RBFOX1: variants seen among roughly 807,000 people sequenced by gnomAD.
The protein encoded by RBFOX1 is RNA binding fox-1 homolog 1.
RBFOX1 carries 8 observed loss-of-function variants against 57.7 expected under a neutral mutation model. The ratio of observed to expected loss-of-function variants is 0.14; its 90% CI spans 0.08 to 0.25. RBFOX1 has a LOEUF of 0.25. RBFOX1 is among the 10% of genes least tolerant of loss of function. The probability of loss-of-function intolerance (pLI) is 1.00; values close to 1 mark genes in which losing one functional copy is unlikely to be tolerated. For synonymous variants in RBFOX1, 326 were observed against 222.4 expected (o/e 1.47, Z -4.15); for missense variants, 611 against 548.5 (o/e 1.11, Z -1.14).
chr16:5,562,478 T>C (rs1482659053), intron 2 of RBFOX1, among the ~76,000 whole-genome samples: 1 of 150,534 alleles, frequency 6.6e-6, no homozygotes, highest in East Asian at 2.0e-4. Flanking sequence ...TATAGAGCAA[T>C]TCTCCAGGGC....
chr16:7,315,907 T>G (rs1189152655), intron 4 of RBFOX1, among the ~76,000 whole-genome samples: 1 of 152,172 alleles, frequency 6.6e-6, no homozygotes, highest in Non-Finnish European at 1.5e-5. Flanking sequence ...GATGGGTTAC[T>G]AAACAATCTA....
rs528524846 is a variant in RBFOX1 at position 6,818,531 on chromosome 16, C to G, written c.-16+163881C>G. 3.3e-5 allele frequency among the ~76,000 whole-genome samples: 5 copies of G among 152,272 alleles called. No homozygotes were observed. The South Asian group carries it at 1.0e-3, about 32-fold the overall frequency. ...GTTACTAAAGTGGCAATAATACAAG[C>G]TGTTGTAAGATTTAAACTCTAGTTC... On this transcript the variant is annotated intron_variant, in intron 3 of 15. Coordinates refer to ENST00000550418, the MANE Select transcript of RBFOX1 (RefSeq NM_018723.4).
chr16:7,640,132 T>C (rs1200054294), intron 11 of RBFOX1, among the ~76,000 whole-genome samples: 1 of 152,252 alleles, frequency 6.6e-6, no homozygotes, highest in African/African-American at 2.4e-5. Flanking sequence ...ATTTGTATTT[T>C]TAATCCCTGC....
At chr16:5,248,173 A>G (rs2062351071) in intron 1 of RBFOX1, among the ~76,000 whole-genome samples, 1 of 152,220 alleles carries the variant, frequency 6.6e-6, no homozygotes, top group Admixed American at 6.5e-5. Context: ...AGGAAGGGAG[A>G]TAAAAGAATG....
chr16:7,285,881 T>G (rs1210473044), intron 4 of RBFOX1, among the ~76,000 whole-genome samples: 1 of 152,182 alleles, frequency 6.6e-6, no homozygotes, highest in East Asian at 1.9e-4. Flanking sequence ...AGATTCCATT[T>G]CTCTGAGATA....
chr16:6,409,936 A>G (rs1016525315), intron 2 of RBFOX1, among the ~76,000 whole-genome samples: 5 of 152,104 alleles, frequency 3.3e-5, no homozygotes, highest in Non-Finnish European at 4.4e-5. Context: ...AAAACAAGGC[A>G]GGAGCACCCG....
In RBFOX1 at chr16:6,316,998, A is replaced by G. The variant is rs2081196525; in HGVS notation, c.-123A>G. 1.3e-6 allele frequency: 2 copies of G among 1,535,308 alleles called. No individual in the cohort carries two copies. The highest frequency in any genetic ancestry group is 2.4e-5 in the East Asian group (1 of 40,898). On this transcript the variant is annotated 5_prime_UTR_variant, in exon 2 of 16. Transcript: ENST00000550418. ...CATTCCCCTTTTTCTTCTTTAGGAAACTGGTCAAAGAACTCATGCAAGTGG... is the reference window on the plus strand; with the variant it reads ...CATTCCCCTTTTTCTTCTTTAGGAAGCTGGTCAAAGAACTCATGCAAGTGG...
At chr16:7,280,208 A>G (rs1171319580) in intron 4 of RBFOX1, among the ~76,000 whole-genome samples, 7 of 152,206 alleles carry the variant, frequency 4.6e-5, no homozygotes, top group East Asian at 3.9e-4. Context: ...TGTTTTCCTC[A>G]TCCATTCAGC....
At chr16:7,080,092 T>A (rs1440651681) in intron 4 of RBFOX1, among the ~76,000 whole-genome samples, 1 of 145,112 alleles carries the variant, frequency 6.9e-6, no homozygotes, top group Non-Finnish European at 1.5e-5. Context: ...TGTATATATG[T>A]ATATATATAT....
In RBFOX1 at chr16:7,473,340, T is replaced by G. The variant is rs117100521; in HGVS notation, c.28-44807T>G. Among the ~76,000 whole-genome samples, 3,778 of 151,108 alleles carry G rather than the reference T, an allele frequency of 0.025. 340 individuals carry two copies. The East Asian group carries it at 0.31, about 13-fold the overall frequency. ...TTGTAGTGAGCCAAGATCACACCAC[T>G]GCACTAGAACCTGGGTGACAGAGAG... is the stretch of plus-strand genomic sequence containing the variant. On this transcript the variant is annotated intron_variant, in intron 4 of 15. Coordinates refer to ENST00000550418, the MANE Select transcript of RBFOX1 (RefSeq NM_018723.4).
At chr16:6,057,824 G>GTTTT (rs2095633014) in intron 1 of RBFOX1, among the ~76,000 whole-genome samples, 1 of 83,748 alleles carries the variant, frequency 1.2e-5, no homozygotes, top group Non-Finnish European at 2.3e-5. Flanking sequence ...GTTTGCTATG[G>GTTTT]GTTTTTTTTT....
rs527313155 is a variant in RBFOX1, at chr16:7,682,689, C to T, written c.995+5851C>T. On this transcript the variant is annotated intron_variant, in intron 14 of 15. Coordinates refer to ENST00000550418, the MANE Select transcript of RBFOX1 (RefSeq NM_018723.4). ...TCACTCATGCCTTTATTTACATCCT[C>T]CTGTGCCCCTGTGTCTAGAAAAGCA... Among the ~76,000 whole-genome samples, 39 of 151,656 alleles carry T rather than the reference C, an allele frequency of 2.6e-4. No homozygotes were observed. In the South Asian group the frequency reaches 8.2e-3, roughly 32 times the overall value.
At chr16:6,024,830 C>T (rs1452365825) in intron 1 of RBFOX1, among the ~76,000 whole-genome samples, 1 of 152,208 alleles carries the variant, frequency 6.6e-6, no homozygotes, top group African/African-American at 2.4e-5. Context: ...CATCAGGCAC[C>T]CACTGTGTGC....
At chr16:6,950,290 C>A (rs2080446820) in intron 3 of RBFOX1, among the ~76,000 whole-genome samples, 1 of 151,866 alleles carries the variant, frequency 6.6e-6, no homozygotes, top group East Asian at 1.9e-4. Flanking sequence ...AACCATGCTC[C>A]CCTCTGCATC....
At chr16:7,603,884 T>TA (rs1220615989) in intron 9 of RBFOX1, among the ~76,000 whole-genome samples, 1 of 152,030 alleles carries the variant, frequency 6.6e-6, no homozygotes, top group African/African-American at 2.4e-5. Context: ...ATGTTTTTTT[T>TA]AAAAAAATTG....
intron 1 of RBFOX1, among the ~76,000 whole-genome samples, chr16:6,191,429 G>T (rs2097141106): frequency 1.3e-5 from 2 of 152,022 alleles, no homozygotes; most frequent in African/African-American, 4.8e-5. Flanking sequence ...GAGAATTTAG[G>T]GGGTGGTCAC....
chr16:6,701,161 G>C (rs201926820), intron 3 of RBFOX1, among the ~76,000 whole-genome samples: 1 of 149,012 alleles, frequency 6.7e-6, no homozygotes, highest in Non-Finnish European at 1.5e-5. Flanking sequence ...GTGTGTGTTT[G>C]TCTTGGGCTG....
At chr16:7,581,244 C>T (rs1432495727) in intron 6 of RBFOX1, among the ~76,000 whole-genome samples, 2 of 152,122 alleles carry the variant, frequency 1.3e-5, no homozygotes, top group Non-Finnish European at 2.9e-5. Flanking sequence ...TTGAGTTGAG[C>T]CTTCCAACTC....
At chr16:5,395,223 C>G (rs374251167) in intron 1 of RBFOX1, among the ~76,000 whole-genome samples, 1 of 152,244 alleles carries the variant, frequency 6.6e-6, no homozygotes, top group African/African-American at 2.4e-5. Flanking sequence ...TGCATCTCTT[C>G]TCCATCTCAC....
Sources: allele counts gnomAD v4.1 joint callset (sites outside exome capture counted in the v4.1 genomes callset), GRCh38; gene constraint gnomAD v4.1.1; transcripts MANE v1.5; gene names NCBI Gene and HGNC (gene_info 2026-07-23, HGNC 2026-07-21).